Variants in TMEM163 observed in about 807,000 individuals in gnomAD.
TMEM163 encodes transmembrane protein 163.
A neutral mutation model predicts 29.3 loss-of-function variants in TMEM163; 17 were observed. The ratio of observed to expected loss-of-function variants is 0.58; its 90% CI spans 0.40 to 0.87. The LOEUF is 0.87. Among genes scored for constraint, TMEM163 ranks in the 40% least tolerant of loss-of-function variants. TMEM163 has a pLI of 0.00. For missense variants in TMEM163, 303 were observed against 381.5 expected, an observed-to-expected ratio of 0.79 and a Z score of 1.71; for synonymous variants, 157 against 160.6, an observed-to-expected ratio of 0.98 and a Z score of 0.17.
chr2:134,559,550 G>A (rs1052937614), intron 2 of TMEM163, among the ~76,000 whole-genome samples: 3 of 151,974 alleles, frequency 2.0e-5, no homozygotes, highest in African/African-American at 7.3e-5. Context: ...CCACCCTCCG[G>A]GGCTCTGCCT....
intron 2 of TMEM163, among the ~76,000 whole-genome samples, chr2:134,677,833 T>C (rs1684148812): frequency 6.6e-6 from 1 of 152,206 alleles, no homozygotes; most frequent in South Asian, 2.1e-4. Context: ...TGTCAACAGT[T>C]CCTAATGAAA....
intron 4 of TMEM163, among the ~76,000 whole-genome samples, chr2:134,526,211 G>A (rs1001037865): frequency 6.6e-6 from 1 of 152,194 alleles, no homozygotes; most frequent in African/African-American, 2.4e-5. Context: ...AAATCGATGG[G>A]AGAAGAAAAG....
chr2:134,610,871 G>A (rs1021293809), intron 2 of TMEM163, among the ~76,000 whole-genome samples: 1 of 152,086 alleles, frequency 6.6e-6, no homozygotes, highest in East Asian at 1.9e-4. Context: ...CAGAGCTTGG[G>A]CTAATTGCTA....
chr2:134,707,729 T>C (rs1327754715), intron 2 of TMEM163, among the ~76,000 whole-genome samples: 1 of 151,850 alleles, frequency 6.6e-6, no homozygotes. Flanking sequence ...TCTGGGGGAA[T>C]GGGCGCCTGC....
At chr2:134,613,955 T>G (rs1682557469) in intron 2 of TMEM163, among the ~76,000 whole-genome samples, 1 of 152,158 alleles carries the variant, frequency 6.6e-6, no homozygotes, top group South Asian at 2.1e-4. Context: ...CAGTAAGGTT[T>G]TTTTTGTAGA....
chr2:134,708,772 T>C (rs966817885), intron 2 of TMEM163, among the ~76,000 whole-genome samples: 1 of 151,966 alleles, frequency 6.6e-6, no homozygotes, highest in African/African-American at 2.4e-5. Context: ...TATTTTTTAG[T>C]AGAGACAGGG....
intron 4 of TMEM163, among the ~76,000 whole-genome samples, chr2:134,518,578 C>T (rs1305623790): frequency 2.0e-5 from 3 of 152,146 alleles, no homozygotes; most frequent in South Asian, 2.1e-4. Flanking sequence ...CTCGGGGTCG[C>T]GTAAAAGACT....
chr2:134,511,674 G>C (rs926992434), intron 4 of TMEM163, among the ~76,000 whole-genome samples: 2 of 152,218 alleles, frequency 1.3e-5, no homozygotes, highest in Non-Finnish European at 2.9e-5. Context: ...CATTCCAGCT[G>C]CTGAGGGAAT....
At chr2:134,594,293 G>A (rs1292524132) in intron 2 of TMEM163, among the ~76,000 whole-genome samples, 2 of 152,000 alleles carry the variant, frequency 1.3e-5, no homozygotes, top group Non-Finnish European at 2.9e-5. Context: ...GGTGGGAAAT[G>A]TTGAACATTA....
chr2:134,666,165 A>G (rs1648238670), intron 2 of TMEM163, among the ~76,000 whole-genome samples: 1 of 151,970 alleles, frequency 6.6e-6, no homozygotes, highest in Admixed American at 6.6e-5. Flanking sequence ...CACAGACTAA[A>G]TCCCACCCAC....
rs1395910344 is a variant in TMEM163 at position 134,458,129 on chromosome 2, G to A, written c.712C>T (p.Leu238=). 1 of 1,614,032 alleles carries A rather than the reference G, an allele frequency of 6.2e-7. No individual in the cohort carries two copies. The highest frequency in any genetic ancestry group is 1.3e-5 in the African/African-American group (1 of 74,900). The change falls in exon 7 of 8, where the codon CTG becomes TTG. Residue 238 remains leucine, a synonymous_variant. Coordinates refer to ENST00000281924, the MANE Select transcript of TMEM163 (RefSeq NM_030923.5). ...VGGVMGFSIL[L]SAEVFKHDSA... is the part of the protein sequence containing the mutation. ...TCATGCTTGAACACTTCCGCGCTCA[G>A]AAGAATGGAGAAGCCCATCACGCCA...
chr2:134,456,560 G>A lies in TMEM163; in HGVS notation c.*156C>T, dbSNP rs1041502712. Reference sequence around the variant, plus strand: ...TGGGGGCGGCAGGTGATGGGGGCAAGGTAGATCCACCTGGCTGGGCAGACC... The same window carrying A: ...TGGGGGCGGCAGGTGATGGGGGCAAAGTAGATCCACCTGGCTGGGCAGACC... On this transcript the variant is annotated 3_prime_UTR_variant, in exon 8 of 8. Transcript: ENST00000281924. 3.6e-6 allele frequency: 3 copies of A among 841,506 alleles called. No individual in the cohort carries two copies. Among genetic ancestry groups the A allele is most frequent in the Non-Finnish European group, 3.8e-6 (2 of 525,208 alleles). The allele number at this position is 841,506 out of a possible 1,614,324, so 52.1% of individuals were successfully genotyped here. A position where few individuals can be genotyped will look rare whatever the true frequency, so the allele number is the denominator to read the frequency against.
At chr2:134,683,444 A>G (rs1299369610) in intron 2 of TMEM163, among the ~76,000 whole-genome samples, 3 of 152,126 alleles carry the variant, frequency 2.0e-5, no homozygotes, top group Admixed American at 6.5e-5. Flanking sequence ...AAAAAAAGAA[A>G]AGAAAATGGA....
At chr2:134,588,358 C>T (rs1681865737) in intron 2 of TMEM163, among the ~76,000 whole-genome samples, 1 of 152,206 alleles carries the variant, frequency 6.6e-6, no homozygotes, top group Non-Finnish European at 1.5e-5. Flanking sequence ...CACTGCTAAG[C>T]TATGCCAATC....
At chr2:134,511,644 A>C (rs1679952235) in intron 4 of TMEM163, among the ~76,000 whole-genome samples, 1 of 152,234 alleles carries the variant, frequency 6.6e-6, no homozygotes, top group Non-Finnish European at 1.5e-5. Flanking sequence ...GATCCAAGGC[A>C]GACTGGCCGG....
At chr2:134,633,985 AT>A (rs1683039812) in intron 2 of TMEM163, among the ~76,000 whole-genome samples, 3 of 19,382 alleles carry the variant, frequency 1.5e-4, no homozygotes, top group African/African-American at 4.9e-4. Context: ...ATATATATAT[AT>A]ATATATATAT....
chr2:134,580,051 GA>G (rs1294079337), intron 2 of TMEM163, among the ~76,000 whole-genome samples: 4 of 152,098 alleles, frequency 2.6e-5, no homozygotes, highest in Non-Finnish European at 5.9e-5. Flanking sequence ...TGAGACTTAA[GA>G]AAAAAATCTC....
intron 2 of TMEM163, among the ~76,000 whole-genome samples, chr2:134,641,258 G>A (rs993990105): frequency 6.6e-6 from 1 of 152,154 alleles, no homozygotes; most frequent in African/African-American, 2.4e-5. Flanking sequence ...TTTTTAAAAA[G>A]TGGTGGTGGA....
chr2:134,543,238 A>G (rs1192096964), intron 4 of TMEM163, among the ~76,000 whole-genome samples: 1 of 152,136 alleles, frequency 6.6e-6, no homozygotes, highest in African/African-American at 2.4e-5. Context: ...AGGACAGTGG[A>G]GGGCCACTCC....
Sources: gnomAD v4.1 joint callset for allele counts (sites outside exome capture counted in the v4.1 genomes callset) on GRCh38, gnomAD v4.1.1 for gene constraint, MANE v1.5 for transcripts, NCBI Gene and HGNC (gene_info 2026-07-23, HGNC 2026-07-21) for gene names.